Variants in INPP5B observed in about 807,000 individuals in gnomAD.
INPP5B encodes the protein inositol polyphosphate-5-phosphatase B.
In INPP5B, 90 loss-of-function variants were observed where a neutral mutation model predicts 118.5. The observed-to-expected ratio is 0.76, with a 90% CI of 0.64 to 0.90. The LOEUF (loss-of-function observed/expected upper bound fraction) is 0.90, where lower values mean the gene tolerates loss of function less well. Among genes scored for constraint, INPP5B ranks in the 40% least tolerant of loss-of-function variants. The pLI is 0.00. For synonymous variants in INPP5B, 385 were observed against 418.9 expected (o/e 0.92, Z 0.99); for missense variants, 984 against 1,125.6 (o/e 0.87, Z 1.80).
At chr1:37,928,015 A>T (rs1342592696) in intron 7 of INPP5B, among the ~76,000 whole-genome samples, 1 of 152,170 alleles carries the variant, frequency 6.6e-6, no homozygotes, top group East Asian at 1.9e-4. Context: ...CCTGGGCCTC[A>T]AAGGTGCTCT....
At chr1:37,946,129 A>T in intron 2 of INPP5B, 123 bp downstream of exon 2, 1 of 929,408 alleles carries the variant, frequency 1.1e-6, no homozygotes, top group South Asian at 1.5e-5. Flanking sequence ...CTTAGTAAAT[A>T]CTGATTTCCT....
chr1:37,935,947 T>A (rs186626704), intron 6 of INPP5B, among the ~76,000 whole-genome samples: 1 of 152,144 alleles, frequency 6.6e-6, no homozygotes, highest in African/African-American at 2.4e-5. Flanking sequence ...GCACCTGTAG[T>A]CCCAGCTACT....
chr1:37,890,843 A>G (rs1643797355), intron 8 of INPP5B, among the ~76,000 whole-genome samples: 1 of 152,208 alleles, frequency 6.6e-6, no homozygotes, highest in Admixed American at 6.5e-5. Flanking sequence ...GTAAAACAGA[A>G]AAAAGTACTT....
At position 37,893,142 on chromosome 1, in the gene INPP5B, C is replaced by T. The variant is rs143355038; in HGVS notation, c.533-1688G>A. Among the ~76,000 whole-genome samples, 267 of 134,550 alleles carry T rather than the reference C, an allele frequency of 2.0e-3. 2 individuals carry two copies. Among genetic ancestry groups the T allele is most frequent in the African/African-American group, 7.2e-3 (252 of 35,002 alleles). The allele number at this position is 134,550 out of a possible 152,430, so 88.3% of individuals were successfully genotyped here. A position where few individuals can be genotyped will look rare whatever the true frequency, so the allele number is the denominator to read the frequency against. On this transcript the variant is annotated intron_variant, in intron 7 of 23. Coordinates refer to ENST00000373024, the MANE Select transcript of INPP5B (RefSeq NM_005540.3). ...GGGTCTCCAGGCTGGAGTACAGCAG[C>T]CTGATCATGGTTCACTGTAGCCTTG...
At chr1:37,931,839 A>G in intron 7 of INPP5B, 74 bp downstream of exon 7, 1 of 1,611,280 alleles carries the variant, frequency 6.2e-7, no homozygotes, top group Non-Finnish European at 8.5e-7. Flanking sequence ...CTCCGCCCCA[A>G]AACAGAACGG....
chr1:37,943,234 G>A (rs1397150582), intron 5 of INPP5B, among the ~76,000 whole-genome samples: 1 of 151,908 alleles, frequency 6.6e-6, no homozygotes, highest in Admixed American at 6.6e-5. Context: ...TCCTGACCTC[G>A]TGATCTTGGC....
intron 7 of INPP5B, among the ~76,000 whole-genome samples, chr1:37,892,293 A>C (rs1383049009): frequency 6.6e-6 from 1 of 152,250 alleles, no homozygotes; most frequent in African/African-American, 2.4e-5. Context: ...CAGAGATTAA[A>C]ACTGGAAATA....
Position 37,899,863 on chromosome 1 carries a change from G to A in INPP5B, c.533-8409C>T, listed in dbSNP as rs370969563. 2.0e-5 allele frequency among the ~76,000 whole-genome samples: 3 copies of A among 151,796 alleles called. No homozygotes were observed. In the East Asian group the frequency reaches 5.8e-4, roughly 29 times the overall value. On this transcript the variant is annotated intron_variant, in intron 7 of 23. Coordinates refer to ENST00000373024, the MANE Select transcript of INPP5B (RefSeq NM_005540.3). Reference sequence around the variant, plus strand: ...CGAGTATCCGGGACTACAGGAGTCCGCCACCACACCCAGCTAATTTCTTTG... The same window carrying A: ...CGAGTATCCGGGACTACAGGAGTCCACCACCACACCCAGCTAATTTCTTTG...
chr1:37,944,113 G>T (rs1646033717), intron 3 of INPP5B, among the ~76,000 whole-genome samples: 1 of 152,152 alleles, frequency 6.6e-6, no homozygotes, highest in African/African-American at 2.4e-5. Flanking sequence ...TCATCTGCAG[G>T]AGCCCCTGAT....
Position 37,882,878 on chromosome 1 carries a change from C to T in INPP5B, c.1360G>A (p.Glu454Lys), listed in dbSNP as rs1341370378. 2.5e-6 allele frequency: 4 copies of T among 1,613,968 alleles called. No individual in the cohort carries two copies. Among genetic ancestry groups the T allele is most frequent in the Non-Finnish European group, 2.5e-6 (3 of 1,180,006 alleles). Reference sequence around the variant, plus strand: ...TTTTTCACTTTTTCCACATCCAGCTCTTCTATCCTGTAGTTGAGGTCCCCC... The same window carrying T: ...TTTTTCACTTTTTCCACATCCAGCTTTTCTATCCTGTAGTTGAGGTCCCCC... ...WLGDLNYRIE[E>K]LDVEKVKKLI... The change falls in exon 14 of 24, where the codon GAG becomes AAG. Residue 454 changes from glutamate (E) to lysine (K), a missense_variant. Glu to Lys is a moderately conservative substitution (Grantham distance 56). Transcript: ENST00000373024.
chr1:37,910,428 AAATT>A (rs1014342090), intron 7 of INPP5B, among the ~76,000 whole-genome samples: 3 of 152,104 alleles, frequency 2.0e-5, no homozygotes, highest in Non-Finnish European at 2.9e-5. Flanking sequence ...CATTTTAACT[AAATT>A]TTCTGCTTCC....
rs1644538516 is a variant in INPP5B at position 37,907,444 on chromosome 1, A to T, written c.533-15990T>A. 6.6e-6 allele frequency among the ~76,000 whole-genome samples: 1 copy of T among 152,176 alleles called. No homozygotes were observed. The highest frequency in any genetic ancestry group is 1.5e-5 in the Non-Finnish European group (1 of 68,028). On this transcript the variant is annotated intron_variant, in intron 7 of 23. Transcript: ENST00000373024. The surrounding 1 kb of genome is among the most constrained non-coding windows in gnomAD (Gnocchi z 4.3). ...GGATTTTCATCCCTTTGCAACCCTT[A>T]TGATTAAGGGCTCTTTTATAAAAGG... is the stretch of plus-strand genomic sequence containing the variant.
chr1:37,872,365 C>T (rs1244339440), intron 19 of INPP5B, among the ~76,000 whole-genome samples: 4 of 72,310 alleles, frequency 5.5e-5, no homozygotes, highest in South Asian at 7.0e-4. Context: ...AGTGAAACTC[C>T]GTCTCAAAAA....
chr1:37,905,381 G>C (rs1475156943), intron 7 of INPP5B, among the ~76,000 whole-genome samples: 3 of 152,150 alleles, frequency 2.0e-5, no homozygotes, highest in Admixed American at 2.0e-4. Context: ...TCCAGGCTGG[G>C]TGACAAAGCA....
rs1642125856 is a variant in INPP5B, at chr1:37,867,631, A to G, written c.2301+870T>C. 2.0e-5 allele frequency among the ~76,000 whole-genome samples: 3 copies of G among 152,240 alleles called. No individual in the cohort carries two copies. In the South Asian group the frequency reaches 6.2e-4, roughly 31 times the overall value. On this transcript the variant is annotated intron_variant, in intron 20 of 23. Transcript: ENST00000373024. ...TGAGGGGAAGAAAAGTGAAAATGGA[A>G]TATCATAAGAATGTATATTTTTTTA...
chr1:37,943,427 G>A (rs1038058438), intron 5 of INPP5B, among the ~76,000 whole-genome samples: 3 of 152,100 alleles, frequency 2.0e-5, no homozygotes, highest in African/African-American at 7.2e-5. Flanking sequence ...GGGCTCCGGG[G>A]TGAGAATGTG....
intron 7 of INPP5B, among the ~76,000 whole-genome samples, chr1:37,905,057 T>C (rs551502584): frequency 1.3e-5 from 2 of 152,266 alleles, no homozygotes; most frequent in South Asian, 4.1e-4. Context: ...AAAGGAAGCA[T>C]TGTCAAATAT....
intron 7 of INPP5B, among the ~76,000 whole-genome samples, chr1:37,902,089 G>C (rs956210392): frequency 6.6e-6 from 1 of 151,692 alleles, no homozygotes; most frequent in Non-Finnish European, 1.5e-5. Context: ...GAGTTGAAGC[G>C]ATTCTCCTGC....
intron 16 of INPP5B, among the ~76,000 whole-genome samples, chr1:37,877,065 G>GA (rs1212939585): frequency 4.7e-5 from 7 of 148,412 alleles, no homozygotes; most frequent in South Asian, 2.1e-4. Flanking sequence ...AGTGTCTTTT[G>GA]AAAAAAAACA....
Sources: gnomAD v4.1 joint callset for allele counts (sites outside exome capture counted in the v4.1 genomes callset) on GRCh38, gnomAD v4.1.1 for gene constraint, Gnocchi (gnomAD v3.1) non-coding constraint, MANE v1.5 for transcripts, NCBI Gene and HGNC (gene_info 2026-07-23, HGNC 2026-07-21) for gene names.